Variants in TBC1D22A observed in about 807,000 individuals in gnomAD.
TBC1D22A encodes the protein TBC1 domain family member 22A.
TBC1D22A carries 38 observed loss-of-function variants against 60.2 expected under a neutral mutation model. That is an observed-to-expected ratio of 0.63 (90% CI 0.49 to 0.83). The LOEUF is 0.83. TBC1D22A is among the 40% of genes least tolerant of loss of function. TBC1D22A has a pLI of 0.00. For missense variants in TBC1D22A, 628 were observed against 701.0 expected (o/e 0.90, Z 1.18); for synonymous variants, 302 against 281.7 (o/e 1.07, Z -0.72).
At chr22:46,850,797 A>G (rs1359378899) in intron 4 of TBC1D22A, among the ~76,000 whole-genome samples, 6 of 152,262 alleles carry the variant, frequency 3.9e-5, no homozygotes, top group Non-Finnish European at 8.8e-5. Context: ...GAAACAATTC[A>G]GTATCTTTCA....
intron 9 of TBC1D22A, among the ~76,000 whole-genome samples, chr22:46,975,953 C>A (rs2074277868): frequency 1.3e-5 from 2 of 152,272 alleles, no homozygotes; most frequent in South Asian, 4.1e-4. Flanking sequence ...AAAATGTGCC[C>A]ACTAGAGATA....
At chr22:46,900,960 A>G (rs1047305201) in intron 7 of TBC1D22A, among the ~76,000 whole-genome samples, 8 of 152,214 alleles carry the variant, frequency 5.3e-5, no homozygotes, top group South Asian at 2.1e-4. Flanking sequence ...AATCTTTACT[A>G]TGTTAAGGAA....
chr22:47,110,986 C>T (rs1450998821), intron 11 of TBC1D22A, among the ~76,000 whole-genome samples: 2 of 152,214 alleles, frequency 1.3e-5, no homozygotes, highest in South Asian at 4.1e-4. Context: ...GAGCCGTGTC[C>T]TTCCGCGTCC....
At chr22:47,160,873 C>T (rs565510192) in intron 12 of TBC1D22A, among the ~76,000 whole-genome samples, 55 of 152,308 alleles carry the variant, frequency 3.6e-4, no homozygotes, top group African/African-American at 7.9e-4. Context: ...CTTCAGGACC[C>T]GCAGGCGCTG....
Position 47,028,157 on chromosome 22 carries a change from A to G in TBC1D22A, c.1202-8914A>G, listed in dbSNP as rs2062323958. Among the ~76,000 whole-genome samples, 2 of 152,316 alleles carry G rather than the reference A, an allele frequency of 1.3e-5. No homozygotes were observed. The highest frequency in any genetic ancestry group is 2.4e-5 in the African/African-American group (1 of 41,558). On this transcript the variant is annotated intron_variant, in intron 10 of 12. Coordinates refer to ENST00000337137, the MANE Select transcript of TBC1D22A (RefSeq NM_014346.5). This position sits in a 1 kb window ranked among gnomAD's most constrained non-coding sequence, Gnocchi z 4.4. ...GCCATGTAGCTCTAGAAGAAGTTGTATTTTAGATTATGTTACTGTCAAAAA... is the reference window on the plus strand; with the variant it reads ...GCCATGTAGCTCTAGAAGAAGTTGTGTTTTAGATTATGTTACTGTCAAAAA...
chr22:47,092,051 C>T (rs2064999194), intron 11 of TBC1D22A, among the ~76,000 whole-genome samples: 1 of 152,146 alleles, frequency 6.6e-6, no homozygotes, highest in African/African-American at 2.4e-5. Context: ...TTCAGTTTGT[C>T]CTGCACCATA....
intron 7 of TBC1D22A, among the ~76,000 whole-genome samples, chr22:46,911,100 G>A (rs901211058): frequency 1.3e-5 from 2 of 152,078 alleles, no homozygotes; most frequent in African/African-American, 2.4e-5. Context: ...CGTGTATGGT[G>A]TGGGTGATAG....
At chr22:46,971,520 C>T (rs1047225781) in intron 8 of TBC1D22A, among the ~76,000 whole-genome samples, 30 of 152,230 alleles carry the variant, frequency 2.0e-4, no homozygotes, top group South Asian at 4.1e-4. Flanking sequence ...GCCAGCAGAA[C>T]GTTGAGTTGA....
At chr22:47,033,756 C>T (rs1012413932) in intron 10 of TBC1D22A, among the ~76,000 whole-genome samples, 7 of 152,112 alleles carry the variant, frequency 4.6e-5, no homozygotes, top group African/African-American at 7.2e-5. Context: ...AGGGTGAGCC[C>T]GGGGCGCGGG....
chr22:46,769,172 C>T (rs2083401475), intron 1 of TBC1D22A, among the ~76,000 whole-genome samples: 1 of 149,472 alleles, frequency 6.7e-6, no homozygotes, highest in South Asian at 2.1e-4. Flanking sequence ...GATGTGAGTG[C>T]TGGGATAAAG....
intron 4 of TBC1D22A, among the ~76,000 whole-genome samples, chr22:46,828,936 G>A (rs989014978): frequency 6.6e-6 from 1 of 152,122 alleles, no homozygotes; most frequent in South Asian, 2.1e-4. Flanking sequence ...TACATGGCAG[G>A]TTCTATATTG....
chr22:46,894,086 C>T (rs902116372), intron 6 of TBC1D22A, among the ~76,000 whole-genome samples: 1 of 152,194 alleles, frequency 6.6e-6, no homozygotes, highest in African/African-American at 2.4e-5. Context: ...CCTGTCTTCC[C>T]TCAGTCCATT....
chr22:47,137,345 G>C (rs558988721), intron 12 of TBC1D22A, among the ~76,000 whole-genome samples: 2 of 152,286 alleles, frequency 1.3e-5, no homozygotes, highest in Admixed American at 1.3e-4. Flanking sequence ...TGGAGGGGGT[G>C]GTGGGGTCCA....
chr22:46,970,232 C>T (rs917791606), intron 8 of TBC1D22A, among the ~76,000 whole-genome samples: 1 of 152,128 alleles, frequency 6.6e-6, no homozygotes, highest in Non-Finnish European at 1.5e-5. Flanking sequence ...TGACCCCCAC[C>T]CCCAGGGCCA....
chr22:47,132,129 C>T (rs949560970), intron 12 of TBC1D22A, among the ~76,000 whole-genome samples: 5 of 152,160 alleles, frequency 3.3e-5, no homozygotes, highest in African/African-American at 9.7e-5. Flanking sequence ...GCCAGAGCCC[C>T]GGACCCCAGC....
intron 11 of TBC1D22A, among the ~76,000 whole-genome samples, chr22:47,047,880 C>T (rs972423287): frequency 6.6e-6 from 1 of 152,232 alleles, no homozygotes; most frequent in Non-Finnish European, 1.5e-5. Flanking sequence ...GCTGCAGACT[C>T]TGCTCCCATC....
At chr22:47,098,700 G>T (rs1183201975) in intron 11 of TBC1D22A, among the ~76,000 whole-genome samples, 1 of 152,240 alleles carries the variant, frequency 6.6e-6, no homozygotes, top group East Asian at 1.9e-4. Flanking sequence ...GGACAGGTCA[G>T]ATGACTCGCA....
chr22:46,998,924 TTC>T (rs1423154559), intron 10 of TBC1D22A, among the ~76,000 whole-genome samples: 1 of 152,370 alleles, frequency 6.6e-6, no homozygotes, highest in African/African-American at 2.4e-5. Context: ...TGCGGCTGGG[TTC>T]TTTTCCCTGC....
chr22:47,119,402 C>G (rs2066189857), intron 12 of TBC1D22A, among the ~76,000 whole-genome samples: 1 of 152,152 alleles, frequency 6.6e-6, no homozygotes, highest in Non-Finnish European at 1.5e-5. Flanking sequence ...TCAGTGACTT[C>G]TGTGCAGGAT....
Sources: allele counts gnomAD v4.1 joint callset (sites outside exome capture counted in the v4.1 genomes callset), GRCh38; gene constraint gnomAD v4.1.1; non-coding constraint Gnocchi (gnomAD v3.1); transcripts MANE v1.5; gene names NCBI Gene and HGNC (gene_info 2026-07-23, HGNC 2026-07-21).